The following MCCC1 variants were observed in gnomAD, a reference collection of about 807,000 sequenced individuals.
The protein encoded by MCCC1 is methylcrotonoyl-CoA carboxylase subunit alpha, mitochondrial.
Under a neutral mutation model 83.8 loss-of-function variants are expected in MCCC1, and 64 were observed. The ratio of observed to expected loss-of-function variants is 0.76; its 90% CI spans 0.62 to 0.94. The LOEUF (loss-of-function observed/expected upper bound fraction) is 0.94. Among genes scored for constraint, MCCC1 ranks in the 40% least tolerant of loss-of-function variants. The pLI is 0.00. For synonymous variants in MCCC1, 322 were observed against 315.4 expected, an observed-to-expected ratio of 1.02 and a Z score of -0.22; for missense variants, 807 against 904.7, an observed-to-expected ratio of 0.89 and a Z score of 1.39.
chr3:183,115,592 CCGTAATCCCAGCA>C lies in MCCC1; in HGVS notation c.-233_-221del, dbSNP rs1719575111. 5.9e-5 allele frequency: 9 copies of C among 152,448 alleles called. No individual in the cohort carries two copies. In the South Asian group the frequency reaches 1.9e-3, roughly 32 times the overall value. The allele number at this position is 152,448 out of a possible 1,614,324, so 9.4% of individuals were successfully genotyped here. A position where few individuals can be genotyped will look rare whatever the true frequency, so the allele number is the denominator to read the frequency against. ...TGCTGCCAGGTGCGGTGGCCCACGC[CCGTAATCCCAGCA>C]CTTTGGGAGGCTGAGGTGGGTGGAT... is the stretch of plus-strand genomic sequence containing the variant. On this transcript the variant is annotated 5_prime_UTR_variant, in exon 1 of 18. Transcript: ENST00000492597.
At chr3:183,022,383 C>T in intron 16 of MCCC1, 34 bp downstream of exon 16, 4 of 1,611,342 alleles carry the variant, frequency 2.5e-6, no homozygotes, top group Non-Finnish European at 8.5e-7. Flanking sequence ...TTCTCCCATG[C>T]CCCAGGAGGG....
At chr3:183,048,615 G>T (rs1297113782) in intron 9 of MCCC1, among the ~76,000 whole-genome samples, 1 of 152,158 alleles carries the variant, frequency 6.6e-6, no homozygotes. Context: ...AAAAAGAATT[G>T]TAAGGAGAAA....
chr3:183,060,590 T>C, intron 7 of MCCC1, among the ~76,000 whole-genome samples: 1 of 152,332 alleles, frequency 6.6e-6, no homozygotes, highest in South Asian at 2.1e-4. Context: ...TTTTTTTTAT[T>C]ATACTTTAAT....
rs1027190474 is a variant in MCCC1 at position 183,064,081 on chromosome 3, C to G, written c.762-6659G>C. 4.6e-5 allele frequency among the ~76,000 whole-genome samples: 7 copies of G among 152,112 alleles called. No individual in the cohort carries two copies. The highest frequency in any genetic ancestry group is 8.8e-5 in the Non-Finnish European group (6 of 68,010). ...ATTTAGGGGCTCCTCTCAGTAAAAT[C>G]CCTCTCGGCTAAGAATGGGTTTGGC... On this transcript the variant is annotated intron_variant, in intron 7 of 18. Transcript: ENST00000265594. This position sits in a 1 kb window ranked among gnomAD's most constrained non-coding sequence, Gnocchi z 4.5.
At chr3:183,027,182 C>T (rs1178690281) in intron 14 of MCCC1, among the ~76,000 whole-genome samples, 1 of 152,208 alleles carries the variant, frequency 6.6e-6, no homozygotes, top group African/African-American at 2.4e-5. Context: ...AGAACTTCCT[C>T]AATCAATATT....
At chr3:183,102,758 G>GTTTTT (rs566199257), upstream of MCCC1, among the ~76,000 whole-genome samples, 1 of 52,166 alleles carries the variant, frequency 1.9e-5, no homozygotes, top group Admixed American at 2.8e-4. Context: ...AGCAGAGAAA[G>GTTTTT]TTTTTTTTTT....
intron 3 of MCCC1, among the ~76,000 whole-genome samples, chr3:183,087,851 C>T (rs1343697815): frequency 7.8e-6 from 1 of 127,578 alleles, no homozygotes; most frequent in East Asian, 2.3e-4. Context: ...GCCTGGGCAA[C>T]AGGGCGAGAC....
chr3:183,034,246 C>G lies in MCCC1; in HGVS notation c.1595-169G>C, dbSNP rs372775210. On this transcript the variant is annotated intron_variant, in intron 13 of 18. Transcript: ENST00000265594. ...CGGGCGGATCATGAGGTCAGGAGAT[C>G]GAGACCATCCTAGCTAACACGGTGA... is the stretch of plus-strand genomic sequence containing the variant. 7.9e-5 allele frequency among the ~76,000 whole-genome samples: 12 copies of G among 152,058 alleles called. No individual in the cohort carries two copies. In the South Asian group the frequency reaches 1.2e-3, roughly 16 times the overall value.
intron 7 of MCCC1, among the ~76,000 whole-genome samples, chr3:183,066,271 G>A (rs1410464138): frequency 1.3e-5 from 2 of 152,062 alleles, no homozygotes; most frequent in South Asian, 2.1e-4. Context: ...ACAGACAATT[G>A]TCTTGTTTTG....
intron 8 of MCCC1, among the ~76,000 whole-genome samples, chr3:183,055,342 G>A (rs1012470714): frequency 8.6e-5 from 13 of 151,950 alleles, no homozygotes; most frequent in African/African-American, 2.7e-4. Flanking sequence ...CCCGCGAGGC[G>A]GAGGATGCAG....
chr3:183,067,689 A>G (rs1406278496), intron 7 of MCCC1, among the ~76,000 whole-genome samples: 1 of 152,174 alleles, frequency 6.6e-6, no homozygotes, highest in Non-Finnish European at 1.5e-5. Flanking sequence ...AAATATCTGA[A>G]TCAATATTCT....
At chr3:183,058,246 C>G (rs530239892) in intron 7 of MCCC1, among the ~76,000 whole-genome samples, 1 of 152,138 alleles carries the variant, frequency 6.6e-6, no homozygotes, top group Admixed American at 6.6e-5. Context: ...AATGGCTCAT[C>G]CAGAAAAGTT....
chr3:183,017,156 C>T, intron 18 of MCCC1, 110 bp downstream of exon 18: 1 of 971,434 alleles, frequency 1.0e-6, no homozygotes, highest in Non-Finnish European at 1.6e-6. Flanking sequence ...CTTCGTCAAT[C>T]ATGGCTTTTC....
At chr3:183,088,061 G>A (rs1718033868) in intron 3 of MCCC1, among the ~76,000 whole-genome samples, 1 of 152,016 alleles carries the variant, frequency 6.6e-6, no homozygotes, top group Non-Finnish European at 1.5e-5. Flanking sequence ...CAATGAGCAA[G>A]GGGTCCAGGG....
intron 10 of MCCC1, among the ~76,000 whole-genome samples, chr3:183,044,264 A>C (rs929444017): frequency 6.6e-6 from 1 of 152,226 alleles, no homozygotes; most frequent in African/African-American, 2.4e-5. Context: ...AAAGAAGGCT[A>C]AAGTAAAATC....
intron 16 of MCCC1, among the ~76,000 whole-genome samples, chr3:183,021,482 A>C (rs531449495): frequency 1.1e-4 from 16 of 152,238 alleles, no homozygotes; most frequent in African/African-American, 3.6e-4. Flanking sequence ...GGCCTCCCAA[A>C]GTGTTGGGAC....
intron 14 of MCCC1, among the ~76,000 whole-genome samples, chr3:183,033,729 T>C (rs1713276291): frequency 6.6e-6 from 1 of 152,218 alleles, no homozygotes; most frequent in Non-Finnish European, 1.5e-5. Flanking sequence ...TCATTTCAGC[T>C]GTTTTGCTAT....
chr3:183,067,401 C>T (rs564515451), intron 7 of MCCC1, among the ~76,000 whole-genome samples: 54 of 152,294 alleles, frequency 3.5e-4, no homozygotes, highest in Admixed American at 1.2e-3. Flanking sequence ...ATTTTAAAAG[C>T]CTGTATGGCA....
intron 14 of MCCC1, among the ~76,000 whole-genome samples, chr3:183,027,317 A>G (rs1712694076): frequency 1.3e-5 from 2 of 152,344 alleles, no homozygotes; most frequent in South Asian, 2.1e-4. Context: ...ACAATGGCCT[A>G]TAAGTGGTCA....
Sources: gnomAD v4.1 joint callset for allele counts (sites outside exome capture counted in the v4.1 genomes callset) on GRCh38, gnomAD v4.1.1 for gene constraint, Gnocchi (gnomAD v3.1) non-coding constraint, MANE v1.5 for transcripts, NCBI Gene and HGNC (gene_info 2026-07-23, HGNC 2026-07-21) for gene names.